The following UBE2QL1 variants were observed in gnomAD, a reference collection of about 807,000 sequenced individuals.
UBE2QL1 encodes ubiquitin conjugating enzyme E2 QL1.
UBE2QL1 carries 5 observed loss-of-function variants against 12.6 expected under a neutral mutation model. The observed-to-expected ratio is 0.40, with a 90% CI of 0.21 to 0.83. The LOEUF (loss-of-function observed/expected upper bound fraction) is 0.83. Ranked by LOEUF, UBE2QL1 falls within the 40% of genes least tolerant of loss-of-function variation. The pLI, the probability that UBE2QL1 is intolerant of heterozygous loss-of-function variation, is 0.37. For synonymous variants in UBE2QL1, 96 were observed against 94.5 expected, an observed-to-expected ratio of 1.02 and a Z score of -0.10; for missense variants, 99 against 222.6, an observed-to-expected ratio of 0.44 and a Z score of 3.53.
At chr5:6,489,118 T>C (rs1321689809) in intron 1 of UBE2QL1, among the ~76,000 whole-genome samples, 1 of 152,188 alleles carries the variant, frequency 6.6e-6, no homozygotes, top group Non-Finnish European at 1.5e-5. Flanking sequence ...ACTCTTCCTA[T>C]GTGAGTTATA....
At position 6,479,913 on chromosome 5, in the gene UBE2QL1, C is replaced by G. The variant is rs570682116; in HGVS notation, c.355-11305C>G. On this transcript the variant is annotated intron_variant, in intron 1 of 1. Coordinates refer to ENST00000399816, the MANE Select transcript of UBE2QL1 (RefSeq NM_001145161.3). This position sits in a 1 kb window ranked among gnomAD's most constrained non-coding sequence, Gnocchi z 4.2. Reference sequence around the variant, plus strand: ...CCAGAATGTACGTAGTAAAGGTAGACTCAGGGCCCTGATCATCTCGGGGCT... The same window carrying G: ...CCAGAATGTACGTAGTAAAGGTAGAGTCAGGGCCCTGATCATCTCGGGGCT... Among the ~76,000 whole-genome samples the G allele has an allele frequency of 1.3e-5, 2 of 152,302 alleles. No homozygotes were observed. Among genetic ancestry groups the G allele is most frequent in the African/African-American group, 4.8e-5 (2 of 41,570 alleles).
At chr5:6,490,532 C>T (rs1244890589) in intron 1 of UBE2QL1, among the ~76,000 whole-genome samples, 1 of 152,180 alleles carries the variant, frequency 6.6e-6, no homozygotes, top group Non-Finnish European at 1.5e-5. Context: ...GATCGTGTGA[C>T]AAAGCACCTG....
rs1734248192 is a variant in UBE2QL1, at chr5:6,476,999, C to T, written c.355-14219C>T. ...GCCCACATGGAAGCCCACAGACCAC[C>T]AGCCCACACCAGTGCTGGAGGTCCA... On this transcript the variant is annotated intron_variant, in intron 1 of 1. Transcript: ENST00000399816. The surrounding 1 kb of genome is among the most constrained non-coding windows in gnomAD (Gnocchi z 4.9). Among the ~76,000 whole-genome samples, 2 of 152,174 alleles carry T rather than the reference C, an allele frequency of 1.3e-5. No individual in the cohort carries two copies. Among genetic ancestry groups the T allele is most frequent in the African/African-American group, 2.4e-5 (1 of 41,434 alleles).
intron 1 of UBE2QL1, among the ~76,000 whole-genome samples, chr5:6,488,866 CAT>C (rs978655338): frequency 1.3e-5 from 2 of 151,798 alleles, no homozygotes; most frequent in Non-Finnish European, 2.9e-5. Flanking sequence ...GATGTGTTTT[CAT>C]ATGTTTAATA....
intron 1 of UBE2QL1, among the ~76,000 whole-genome samples, chr5:6,465,791 G>A (rs1466391303): frequency 6.6e-6 from 1 of 152,214 alleles, no homozygotes; most frequent in Non-Finnish European, 1.5e-5. Context: ...GCCAGCTCCA[G>A]GGCGCAGCAG....
At chr5:6,454,958 A>G (rs1167058506) in intron 1 of UBE2QL1, among the ~76,000 whole-genome samples, 2 of 152,186 alleles carry the variant, frequency 1.3e-5, no homozygotes, top group Non-Finnish European at 2.9e-5. Context: ...GGACACAGGC[A>G]GGACTGCATC....
At chr5:6,475,564 C>T (rs1241073001) in intron 1 of UBE2QL1, among the ~76,000 whole-genome samples, 9 of 152,084 alleles carry the variant, frequency 5.9e-5, no homozygotes, top group Admixed American at 3.3e-4. Context: ...GAAATGGCTT[C>T]GGTCCATTCC....
At position 6,456,912 on chromosome 5, in the gene UBE2QL1, G is replaced by A. The variant is rs569404048; in HGVS notation, c.354+7665G>A. Among the ~76,000 whole-genome samples, 5 of 152,014 alleles carry A rather than the reference G, an allele frequency of 3.3e-5. No individual in the cohort carries two copies. In the East Asian group the frequency reaches 5.9e-4, roughly 18 times the overall value. ...GCATGGTCAGGGAGCCACACTCACC[G>A]AGCCTCTTCTATTCCTATTCTTCAG... On this transcript the variant is annotated intron_variant, in intron 1 of 1. Transcript: ENST00000399816.
In UBE2QL1 at chr5:6,492,872, C is replaced by A. The variant is rs559705922; in HGVS notation, c.*1523C>A. The A allele has an allele frequency of 6.6e-6, 1 of 152,286 alleles. No homozygotes were observed. The highest frequency in any genetic ancestry group is 2.1e-4 in the South Asian group (1 of 4,830). The allele number at this position is 152,286 out of a possible 1,614,324, so 9.4% of individuals were successfully genotyped here. On this transcript the variant is annotated 3_prime_UTR_variant, in exon 2 of 2. Transcript: ENST00000399816. Reference sequence around the variant, plus strand: ...CTGCTGTGAAGGAGGAAAAGTCTTCCGGGATAATGTATTCAATTCTTCAGG... The same window carrying A: ...CTGCTGTGAAGGAGGAAAAGTCTTCAGGGATAATGTATTCAATTCTTCAGG...
chr5:6,489,989 GC>G (rs1390621255), intron 1 of UBE2QL1, among the ~76,000 whole-genome samples: 1 of 152,248 alleles, frequency 6.6e-6, no homozygotes, highest in Non-Finnish European at 1.5e-5. Flanking sequence ...TTCCTGAACA[GC>G]AGGCGATGGT....
intron 1 of UBE2QL1, among the ~76,000 whole-genome samples, chr5:6,455,493 C>T (rs1272260678): frequency 3.9e-5 from 6 of 152,094 alleles, no homozygotes; most frequent in East Asian, 1.9e-4. Flanking sequence ...GGGGAGAGGA[C>T]GGCTGGCCAC....
chr5:6,477,676 G>C (rs939427822), intron 1 of UBE2QL1, among the ~76,000 whole-genome samples: 2 of 152,228 alleles, frequency 1.3e-5, no homozygotes, highest in Non-Finnish European at 2.9e-5. Context: ...AGCAGGACGC[G>C]GGTGTGTGGA....
chr5:6,463,309 T>A (rs367744903), intron 1 of UBE2QL1, among the ~76,000 whole-genome samples: 1 of 152,266 alleles, frequency 6.6e-6, no homozygotes, highest in African/African-American at 2.4e-5. Flanking sequence ...AATACAGTGA[T>A]CCTAAAGAAA....
At chr5:6,467,579 G>A (rs916290500) in intron 1 of UBE2QL1, among the ~76,000 whole-genome samples, 4 of 152,140 alleles carry the variant, frequency 2.6e-5, no homozygotes, top group Non-Finnish European at 5.9e-5. Flanking sequence ...TCGTTCTGAG[G>A]TGCTGAGGGC....
At chr5:6,471,911 C>T (rs1446950797) in intron 1 of UBE2QL1, among the ~76,000 whole-genome samples, 1 of 152,122 alleles carries the variant, frequency 6.6e-6, no homozygotes, top group African/African-American at 2.4e-5. Context: ...TGTATTGTGA[C>T]TTTCACTTTT....
At chr5:6,474,549 A>C (rs1369212635) in intron 1 of UBE2QL1, among the ~76,000 whole-genome samples, 1 of 152,200 alleles carries the variant, frequency 6.6e-6, no homozygotes, top group Non-Finnish European at 1.5e-5. Context: ...TCCCAAGTGC[A>C]TCTCCCTCCT....
chr5:6,453,907 G>A (rs1335495433), intron 1 of UBE2QL1, among the ~76,000 whole-genome samples: 1 of 152,034 alleles, frequency 6.6e-6, no homozygotes, highest in East Asian at 1.9e-4. Flanking sequence ...TTTGAGACAG[G>A]GTCCCCTCTA....
rs985288363 is a variant in UBE2QL1, at chr5:6,478,224, C to T, written c.355-12994C>T. 6.6e-6 allele frequency among the ~76,000 whole-genome samples: 1 copy of T among 152,156 alleles called. No homozygotes were observed. Among genetic ancestry groups the T allele is most frequent in the African/African-American group, 2.4e-5 (1 of 41,434 alleles). On this transcript the variant is annotated intron_variant, in intron 1 of 1. Transcript: ENST00000399816. The surrounding 1 kb of genome is among the most constrained non-coding windows in gnomAD (Gnocchi z 4.5). ...TGAAGACTTCCAGTGGTTCCAAAAT[C>T]TCATTTACTTTATTTTTTGACATTG...
intron 1 of UBE2QL1, among the ~76,000 whole-genome samples, chr5:6,467,165 GCCTCCCTC>G (rs1026399443): frequency 1.3e-5 from 2 of 151,678 alleles, no homozygotes; most frequent in African/African-American, 4.9e-5. Context: ...GTCTCTCTCT[GCCTCCCTC>G]CCTCCCTGCT....
Sources: gnomAD v4.1 joint callset for allele counts (sites outside exome capture counted in the v4.1 genomes callset) on GRCh38, gnomAD v4.1.1 for gene constraint, Gnocchi (gnomAD v3.1) non-coding constraint, MANE v1.5 for transcripts, NCBI Gene and HGNC (gene_info 2026-07-23, HGNC 2026-07-21) for gene names.